The following CSNK1A1 variants were observed in gnomAD, a reference collection of about 807,000 sequenced individuals.
CSNK1A1 encodes the protein casein kinase 1 alpha 1.
A neutral mutation model predicts 46.1 loss-of-function variants in CSNK1A1; 7 were observed. That is an observed-to-expected ratio of 0.15 (90% confidence interval 0.09 to 0.29). The LOEUF is 0.29. CSNK1A1 is among the 10% of genes least tolerant of loss of function. The probability of loss-of-function intolerance (pLI) is 1.00; values close to 1 mark genes in which losing one functional copy is unlikely to be tolerated. For synonymous variants in CSNK1A1, 137 were observed against 141.5 expected (o/e 0.97, Z 0.23); for missense variants, 96 against 417.1 (o/e 0.23, Z 6.71).
intron 2 of CSNK1A1, among the ~76,000 whole-genome samples, chr5:149,542,012 T>C (rs1762249074): frequency 7.9e-6 from 1 of 125,996 alleles, no homozygotes; most frequent in African/African-American, 2.9e-5. Flanking sequence ...GGTCCAGAAA[T>C]GACTAAAGCC....
chr5:149,523,493 G>A (rs889063694), intron 3 of CSNK1A1, among the ~76,000 whole-genome samples: 9 of 152,232 alleles, frequency 5.9e-5, no homozygotes, highest in South Asian at 2.1e-4. Context: ...GATTACAGGC[G>A]TGAGCCAGTG....
chr5:149,545,101 CAA>C (rs35387594), intron 2 of CSNK1A1, among the ~76,000 whole-genome samples: 187 of 134,166 alleles, frequency 1.4e-3, no homozygotes, highest in African/African-American at 4.1e-3. Context: ...GACTCCATCT[CAA>C]AAAAAAAAAA....
In CSNK1A1 at chr5:149,543,487, GT is replaced by G. The variant is rs796306316; in HGVS notation, c.230+6587del. Among the ~76,000 whole-genome samples the G allele has an allele frequency of 9.8e-4, 144 of 146,506 alleles. 1 individual carries two copies. Among genetic ancestry groups the G allele is most frequent in the African/African-American group, 1.2e-3 (46 of 39,920 alleles). The stretch of plus-strand genomic sequence containing the variant: ...GTGATCTGTGACGTACGTTTTTCTG[GT>G]TTTTTTTTTTTAGTCCAAGCTAAGC... On this transcript the variant is annotated intron_variant, in intron 2 of 9. Coordinates refer to ENST00000377843, the MANE Select transcript of CSNK1A1 (RefSeq NM_001892.6).
chr5:149,501,466 T>C lies in CSNK1A1; in HGVS notation c.1006+3981A>G. 3 of 985,412 alleles carry C rather than the reference T, an allele frequency of 3.0e-6. No homozygotes were observed. The South Asian group carries it at 1.4e-4, about 46-fold the overall frequency. The allele number at this position is 985,412 out of a possible 1,614,324, so 61.0% of individuals were successfully genotyped here. A position where few individuals can be genotyped will look rare whatever the true frequency, so the allele number is the denominator to read the frequency against. ...AACTCAGAAAAAGTCAAACTAGACA[T>C]AAACGGTAGATGCAGCCCAGTAAAA... On this transcript the variant is annotated intron_variant, in intron 9 of 9. Transcript: ENST00000377843.
Position 149,503,161 on chromosome 5 carries a change from T to C in CSNK1A1, c.1006+2286A>G, listed in dbSNP as rs374628082. 11 of 985,320 alleles carry C rather than the reference T, an allele frequency of 1.1e-5. No homozygotes were observed. In the African/African-American group the frequency reaches 1.4e-4, roughly 13 times the overall value. 61.0% of individuals were successfully genotyped at this position (985,320 alleles called of 1,614,324 possible). On this transcript the variant is annotated intron_variant, in intron 9 of 9. Coordinates refer to ENST00000377843, the MANE Select transcript of CSNK1A1 (RefSeq NM_001892.6). ...TTAGAGACTGGAAGCAGGAATAACA[T>C]AGAGCAATTGTTTTCAAACTCCAGA...
At chr5:149,515,232 T>C (rs1761363560) in intron 4 of CSNK1A1, among the ~76,000 whole-genome samples, 3 of 152,236 alleles carry the variant, frequency 2.0e-5, no homozygotes, top group Admixed American at 2.0e-4. Flanking sequence ...CTAGGATTGC[T>C]TCCTTTGGTA....
chr5:149,498,781 G>A, intron 9 of CSNK1A1: 1 of 985,072 alleles, frequency 1.0e-6, no homozygotes, highest in Non-Finnish European at 1.2e-6. Context: ...GGCTTTCAAA[G>A]GGAAAACCAC....
chr5:149,504,654 G>A (rs749778879), intron 9 of CSNK1A1: 56 of 985,344 alleles, frequency 5.7e-5, no homozygotes, highest in Non-Finnish European at 6.7e-5. Context: ...TAAGACTAGC[G>A]GTTTCAATGG....
At chr5:149,498,393 A>G in intron 9 of CSNK1A1, 2 of 985,410 alleles carry the variant, frequency 2.0e-6, no homozygotes, top group Non-Finnish European at 2.4e-6. Flanking sequence ...CATGTTATTA[A>G]GAAGTATTAG....
At chr5:149,544,677 C>G (rs891319991) in intron 2 of CSNK1A1, among the ~76,000 whole-genome samples, 32 of 146,534 alleles carry the variant, frequency 2.2e-4, no homozygotes, top group African/African-American at 8.2e-4. Context: ...GCTACCCAAA[C>G]AAGATCAACC....
At chr5:149,523,072 G>A (rs1236726081) in intron 3 of CSNK1A1, among the ~76,000 whole-genome samples, 8 of 145,814 alleles carry the variant, frequency 5.5e-5, no homozygotes, top group South Asian at 2.2e-4. Context: ...ACAGAGTCTC[G>A]TTCTATCCCC....
intron 2 of CSNK1A1, among the ~76,000 whole-genome samples, chr5:149,537,061 G>C (rs748492409): frequency 6.6e-6 from 1 of 152,108 alleles, no homozygotes; most frequent in African/African-American, 2.4e-5. Context: ...ATAAATAAGG[G>C]ATTATTATTC....
intron 2 of CSNK1A1, chr5:149,549,353 GA>G (rs1762586090): frequency 1.6e-6 from 1 of 641,086 alleles, no homozygotes; most frequent in African/African-American, 1.8e-5. Flanking sequence ...ACTTTTAAAA[GA>G]ACTACGAAGG....
At chr5:149,538,238 T>C (rs908515456) in intron 2 of CSNK1A1, among the ~76,000 whole-genome samples, 1 of 151,898 alleles carries the variant, frequency 6.6e-6, no homozygotes, top group African/African-American at 2.4e-5. Flanking sequence ...GTCAGGCTGG[T>C]CTCGAACTCC....
chr5:149,512,176 T>C (rs959865988), intron 5 of CSNK1A1, among the ~76,000 whole-genome samples: 1 of 152,012 alleles, frequency 6.6e-6, no homozygotes, highest in Non-Finnish European at 1.5e-5. Flanking sequence ...CAGGATGACA[T>C]TTCTATGTTT....
intron 8 of CSNK1A1, among the ~76,000 whole-genome samples, chr5:149,506,071 C>T (rs532819036): frequency 4.6e-5 from 7 of 151,524 alleles, no homozygotes; most frequent in South Asian, 2.1e-4. Flanking sequence ...GGATTACAGG[C>T]GCCTGCCACC....
chr5:149,500,935 AAC>A, intron 9 of CSNK1A1: 1 of 981,596 alleles, frequency 1.0e-6, no homozygotes, highest in Non-Finnish European at 1.2e-6. Flanking sequence ...TGCATTAAAA[AAC>A]AGACTGAATT....
In CSNK1A1 at chr5:149,551,281, G is replaced by C. The variant is rs11556831; in HGVS notation, c.-317C>G. 6.2e-3 allele frequency: 1,730 copies of C among 279,590 alleles called. 85 individuals are homozygous for C. The Admixed American group carries it at 0.078, about 13-fold the overall frequency. 17.3% of individuals were successfully genotyped at this position (279,590 alleles called of 1,614,324 possible). A position where few individuals can be genotyped will look rare whatever the true frequency, so the allele number is the denominator to read the frequency against. On this transcript the variant is annotated 5_prime_UTR_variant, in exon 1 of 10. Transcript: ENST00000377843. ...GCGGGCTGGAAAAGGGGCGCGGTGA[G>C]CTAGGGCGGCGATACCGCTGCCACC... is the stretch of plus-strand genomic sequence containing the variant.
At chr5:149,505,372 C>G in intron 9 of CSNK1A1, 75 bp downstream of exon 9, 1 of 1,541,864 alleles carries the variant, frequency 6.5e-7, no homozygotes, top group Non-Finnish European at 8.8e-7. Flanking sequence ...CTTGATCTAA[C>G]ACTGTTAGAA....
Sources: gnomAD v4.1 joint callset for allele counts (sites outside exome capture counted in the v4.1 genomes callset) on GRCh38, gnomAD v4.1.1 for gene constraint, MANE v1.5 for transcripts, NCBI Gene and HGNC (gene_info 2026-07-23, HGNC 2026-07-21) for gene names.